Variants in FBXL20 observed in about 807,000 individuals in gnomAD.
FBXL20 encodes the protein F-box and leucine rich repeat protein 20, also known as F-box/LRR-repeat protein 20.
In FBXL20, 11 loss-of-function variants were observed where a neutral mutation model predicts 64.0. That is an observed-to-expected ratio of 0.17 (90% CI 0.11 to 0.28). The LOEUF (loss-of-function observed/expected upper bound fraction) is 0.28, where lower values mean the gene tolerates loss of function less well. FBXL20 is among the 10% of genes least tolerant of loss of function. The pLI is 1.00. For synonymous variants in FBXL20, 184 were observed against 189.0 expected (o/e 0.97, Z 0.22); for missense variants, 303 against 526.2 (o/e 0.58, Z 4.15).
rs1057493329 is a variant in FBXL20 at position 39,260,904 on chromosome 17, C to T, written c.*556G>A. The T allele has an allele frequency of 6.4e-6, 1 of 155,732 alleles. No individual in the cohort carries two copies. The highest frequency in any genetic ancestry group is 2.4e-5 in the African/African-American group (1 of 41,450). The allele number at this position is 155,732 out of a possible 1,614,324, so 9.6% of individuals were successfully genotyped here. On this transcript the variant is annotated 3_prime_UTR_variant, in exon 15 of 15. Coordinates refer to ENST00000264658, the MANE Select transcript of FBXL20 (RefSeq NM_032875.3). ...AATACTAAAACACAGGAGGAATGGA[C>T]GAGCCTTCTTTGTGAGCATGCTCAG...
chr17:39,366,693 TG>T (rs1173766943), intron 1 of FBXL20, among the ~76,000 whole-genome samples: 3 of 152,228 alleles, frequency 2.0e-5, no homozygotes, highest in African/African-American at 7.2e-5. Flanking sequence ...TGAAGATATC[TG>T]AAGACACTGC....
At chr17:39,279,762 G>GT (rs1289365283) in intron 9 of FBXL20, among the ~76,000 whole-genome samples, 1 of 151,940 alleles carries the variant, frequency 6.6e-6, no homozygotes, top group Admixed American at 6.6e-5. Flanking sequence ...GCTGAGTGTG[G>GT]TGGCACATGT....
chr17:39,398,036 C>CCG (rs1173400249), intron 1 of FBXL20, among the ~76,000 whole-genome samples: 1 of 62,936 alleles, frequency 1.6e-5, no homozygotes, highest in South Asian at 8.4e-4. Context: ...GGGAGGCCGG[C>CCG]GGGCGGGGGG....
intron 1 of FBXL20, among the ~76,000 whole-genome samples, chr17:39,372,616 A>AT (rs200200903): frequency 1.9e-3 from 262 of 138,600 alleles, no homozygotes; most frequent in Middle Eastern, 7.8e-3. Context: ...CTGTTTGATA[A>AT]TTTTTTTTTT....
At chr17:39,314,901 G>A (rs763621823) in intron 2 of FBXL20, among the ~76,000 whole-genome samples, 1 of 147,766 alleles carries the variant, frequency 6.8e-6, no homozygotes, top group Admixed American at 7.0e-5. Flanking sequence ...TGGTTCAAAC[G>A]ATTCTCCTGC....
chr17:39,322,970 A>G (rs2047372094), intron 2 of FBXL20, among the ~76,000 whole-genome samples: 1 of 105,796 alleles, frequency 9.5e-6, no homozygotes, highest in Non-Finnish European at 1.9e-5. Context: ...ACGCCCAGCT[A>G]ATTTTTTTTT....
At chr17:39,374,065 T>C (rs1292858162) in intron 1 of FBXL20, among the ~76,000 whole-genome samples, 2 of 151,102 alleles carry the variant, frequency 1.3e-5, no homozygotes, top group East Asian at 3.9e-4. Context: ...CTACTAAAAA[T>C]ACAAAAATTA....
At chr17:39,303,693 TTTA>T in intron 2 of FBXL20, 54 bp from the exon 3 acceptor site, 2 of 1,482,666 alleles carry the variant, frequency 1.3e-6, no homozygotes, top group Non-Finnish European at 1.8e-6. Context: ...GTAGTTGACC[TTTA>T]TTTATTTTGA....
chr17:39,264,505 G>T, intron 13 of FBXL20, 118 bp from the exon 14 acceptor site: 1 of 1,040,930 alleles, frequency 9.6e-7, no homozygotes, highest in Non-Finnish European at 1.4e-6. Context: ...TATGGAGCTG[G>T]CACTAGATCC....
At chr17:39,324,014 T>TC (rs796758063) in intron 2 of FBXL20, among the ~76,000 whole-genome samples, 793 of 77,388 alleles carry the variant, frequency 0.01, 26 homozygotes, top group African/African-American at 0.041. Context: ...TCCAACCCCC[T>TC]CCCCCCCCCA....
intron 9 of FBXL20, among the ~76,000 whole-genome samples, chr17:39,278,443 C>T (rs933847816): frequency 2.6e-5 from 4 of 151,562 alleles, no homozygotes; most frequent in Non-Finnish European, 5.9e-5. Flanking sequence ...TGTGTGCACA[C>T]ATACACACGA....
rs766298915 is a variant in FBXL20 at position 39,274,905 on chromosome 17, G to A, written c.827+65C>T. 6.3e-5 allele frequency: 101 copies of A among 1,598,204 alleles called. 1 individual carries two copies. Among genetic ancestry groups the A allele is most frequent in the Middle Eastern group, 3.3e-4 (2 of 6,044 alleles). ...TACCTTAAAATTCCAAAGTTCCAAGGAAGAAATATGGGTGAAGGAAACTTT... is the reference window on the plus strand; with the variant it reads ...TACCTTAAAATTCCAAAGTTCCAAGAAAGAAATATGGGTGAAGGAAACTTT... On this transcript the variant is annotated intron_variant, in intron 10 of 14. Transcript: ENST00000264658.
chr17:39,389,847 C>T (rs1425493534), intron 1 of FBXL20, among the ~76,000 whole-genome samples: 1 of 152,038 alleles, frequency 6.6e-6, no homozygotes, highest in African/African-American at 2.4e-5. Flanking sequence ...ATAAATGCAT[C>T]TTTAATGTCT....
intron 2 of FBXL20, among the ~76,000 whole-genome samples, chr17:39,339,593 CA>C (rs1191395662): frequency 6.6e-6 from 1 of 150,666 alleles, no homozygotes; most frequent in African/African-American, 2.4e-5. Context: ...AATCCTGGGC[CA>C]AAAAAAGAAT....
At position 39,341,354 on chromosome 17, in the gene FBXL20, C is replaced by T. The variant is rs368299678; in HGVS notation, c.104+1826G>A. On this transcript the variant is annotated intron_variant, in intron 2 of 14. Coordinates refer to ENST00000264658, the MANE Select transcript of FBXL20 (RefSeq NM_032875.3). ...ATATAAGAGTTATTCCAATATAACACATATAAATCCAAATCAAGCTCTCAA... is the reference window on the plus strand; with the variant it reads ...ATATAAGAGTTATTCCAATATAACATATATAAATCCAAATCAAGCTCTCAA... Among the ~76,000 whole-genome samples the T allele has an allele frequency of 9.9e-5, 15 of 152,114 alleles. 1 individual carries two copies. The highest frequency in any genetic ancestry group is 4.6e-4 in the Admixed American group (7 of 15,258).
intron 1 of FBXL20, among the ~76,000 whole-genome samples, chr17:39,395,338 C>T (rs1215885434): frequency 1.3e-5 from 2 of 152,152 alleles, no homozygotes; most frequent in Admixed American, 6.6e-5. Flanking sequence ...GCAGGAGAAT[C>T]GCTTGAACCT....
At chr17:39,373,399 T>C (rs2047936964) in intron 1 of FBXL20, among the ~76,000 whole-genome samples, 1 of 152,174 alleles carries the variant, frequency 6.6e-6, no homozygotes, top group South Asian at 2.1e-4. Context: ...AAAAGCTTGA[T>C]TTGGTATAGG....
At position 39,261,391 on chromosome 17, in the gene FBXL20, G is replaced by A; in HGVS notation, c.*69C>T. 1.5e-6 allele frequency: 2 copies of A among 1,298,174 alleles called. No homozygotes were observed. Among genetic ancestry groups the A allele is most frequent in the Non-Finnish European group, 2.2e-6 (2 of 894,002 alleles). 80.4% of individuals were successfully genotyped at this position (1,298,174 alleles called of 1,614,324 possible). On this transcript the variant is annotated 3_prime_UTR_variant, in exon 15 of 15. Coordinates refer to ENST00000264658, the MANE Select transcript of FBXL20 (RefSeq NM_032875.3). Reference sequence around the variant, plus strand: ...CAGAACACTGGGGTTGCTTCCACTGGAGAGACTCCACGGTAGCTCTAGAAG... The same window carrying A: ...CAGAACACTGGGGTTGCTTCCACTGAAGAGACTCCACGGTAGCTCTAGAAG...
In FBXL20 at chr17:39,336,598, G is replaced by A. The variant is rs2144554111; in HGVS notation, c.104+6582C>T. 1.3e-5 allele frequency among the ~76,000 whole-genome samples: 2 copies of A among 152,206 alleles called. 1 individual carries two copies. Among genetic ancestry groups the A allele is most frequent in the South Asian group, 4.1e-4 (2 of 4,826 alleles). On this transcript the variant is annotated intron_variant, in intron 2 of 14. Transcript: ENST00000264658. ...CCCAGCAGTCTGGGAGGCCAAGGTG[G>A]GTAAATTACGAGGTGAGGAGTTTGA...
Sources: gnomAD v4.1 joint callset for allele counts (sites outside exome capture counted in the v4.1 genomes callset) on GRCh38, gnomAD v4.1.1 for gene constraint, MANE v1.5 for transcripts, NCBI Gene and HGNC (gene_info 2026-07-23, HGNC 2026-07-21) for gene names.